SNX8: variants seen among roughly 807,000 people sequenced by gnomAD.
SNX8 encodes sorting nexin 8.
In SNX8, 25 loss-of-function variants were observed where a neutral mutation model predicts 51.6. The ratio of observed to expected loss-of-function variants is 0.48; its 90% CI spans 0.35 to 0.68. The LOEUF (loss-of-function observed/expected upper bound fraction) is 0.68, where lower values mean the gene tolerates loss of function less well. Among genes scored for constraint, SNX8 ranks in the 30% least tolerant of loss-of-function variants. SNX8 has a pLI of 0.00. For synonymous variants in SNX8, 324 were observed against 277.0 expected, an observed-to-expected ratio of 1.17 and a Z score of -1.68; for missense variants, 695 against 624.0, an observed-to-expected ratio of 1.11 and a Z score of -1.21.
chr7:2,309,343 T>C (rs558893750), intron 1 of SNX8, among the ~76,000 whole-genome samples: 1 of 152,172 alleles, frequency 6.6e-6, no homozygotes. Context: ...CTGGCCAACA[T>C]GGCGAAACTT....
Position 2,274,825 on chromosome 7 carries a change from G to A in SNX8, c.418+287C>T, listed in dbSNP as rs1279165959. 5 of 380,770 alleles carry A rather than the reference G, an allele frequency of 1.3e-5. No individual in the cohort carries two copies. The East Asian group carries it at 2.5e-4, about 19-fold the overall frequency. The allele number at this position is 380,770 out of a possible 1,614,324, so 23.6% of individuals were successfully genotyped here. A position where few individuals can be genotyped will look rare whatever the true frequency, so the allele number is the denominator to read the frequency against. On this transcript the variant is annotated intron_variant, in intron 3 of 10. Coordinates refer to ENST00000222990, the MANE Select transcript of SNX8 (RefSeq NM_013321.4). ...AGCCCTGGCCACTGCACTCTGGAGAGGAGAACTAGGGTTCTCTTTCACACC... is the reference window on the plus strand; with the variant it reads ...AGCCCTGGCCACTGCACTCTGGAGAAGAGAACTAGGGTTCTCTTTCACACC...
At chr7:2,322,643 A>C (rs1778544854) in intron 1 of SNX8, among the ~76,000 whole-genome samples, 2 of 151,906 alleles carry the variant, frequency 1.3e-5, no homozygotes, top group African/African-American at 4.8e-5. Context: ...GCAGTGAGCC[A>C]TAATCGCGCC....
chr7:2,266,847 CA>C (rs1411794141), intron 5 of SNX8, among the ~76,000 whole-genome samples: 3 of 151,916 alleles, frequency 2.0e-5, no homozygotes, highest in Non-Finnish European at 4.4e-5. Context: ...AAGAAAAAAC[CA>C]AAAACAAAAA....
chr7:2,278,121 C>A lies in SNX8; in HGVS notation c.279G>T (p.Val93=). ...TTACCTGGCTGGAAACCTCATACTC[C>A]ACATGCTTCAGGAAGAGGCCCTTCT... is the stretch of plus-strand genomic sequence containing the variant. ...PEKKGLFLKH[V]EYEVSSQRFK... is the part of the protein sequence containing the mutation. Residue 93 remains valine (V), a synonymous_variant, in exon 2 of 11, where the codon GTG becomes GTT. Transcript: ENST00000222990. 6.2e-7 allele frequency: 1 copy of A among 1,614,028 alleles called. No homozygotes were observed. The highest frequency in any genetic ancestry group is 8.5e-7 in the Non-Finnish European group (1 of 1,179,944).
At chr7:2,259,763 A>G (rs1460874203) in intron 7 of SNX8, among the ~76,000 whole-genome samples, 5 of 152,208 alleles carry the variant, frequency 3.3e-5, no homozygotes, top group African/African-American at 1.2e-4. Context: ...GCAGGGGCTC[A>G]GGAGAATGTA....
At chr7:2,345,656 G>A (rs1337410972) in intron 1 of SNX8, among the ~76,000 whole-genome samples, 1 of 150,700 alleles carries the variant, frequency 6.6e-6, no homozygotes, top group African/African-American at 2.4e-5. Flanking sequence ...CTCTAGCCTG[G>A]GCGAGACAGA....
chr7:2,313,488 T>G (rs1387486331), intron 1 of SNX8, among the ~76,000 whole-genome samples: 1 of 146,166 alleles, frequency 6.8e-6, no homozygotes, highest in Non-Finnish European at 1.5e-5. Context: ...ATCGCACCAT[T>G]GCACTCCAGC....
intron 7 of SNX8, among the ~76,000 whole-genome samples, chr7:2,261,523 A>G (rs1339442797): frequency 6.6e-6 from 1 of 152,248 alleles, no homozygotes; most frequent in African/African-American, 2.4e-5. Context: ...CCTGGAGACC[A>G]GAATAGCTTG....
chr7:2,295,914 G>C (rs1796264731), intron 1 of SNX8, among the ~76,000 whole-genome samples: 1 of 152,074 alleles, frequency 6.6e-6, no homozygotes, highest in African/African-American at 2.4e-5. Context: ...CTTTATTTCT[G>C]GGTTCCTATT....
intron 1 of SNX8, among the ~76,000 whole-genome samples, chr7:2,283,470 TCAGAGCCAGGA>T (rs1199717806): frequency 6.6e-6 from 1 of 152,202 alleles, no homozygotes; most frequent in East Asian, 1.9e-4. Flanking sequence ...GCCGGTGCTT[TCAGAGCCAGGA>T]CAGGGCAGGG....
At chr7:2,313,365 A>G (rs1796697401) in intron 1 of SNX8, among the ~76,000 whole-genome samples, 2 of 151,664 alleles carry the variant, frequency 1.3e-5, no homozygotes, top group African/African-American at 4.8e-5. Context: ...GTCTCTACTA[A>G]AAATACAAAA....
chr7:2,317,563 C>T (rs975074331), upstream of SNX8, among the ~76,000 whole-genome samples: 5 of 151,840 alleles, frequency 3.3e-5, no homozygotes, highest in Admixed American at 2.0e-4. Context: ...AGGTGTGAGC[C>T]ACCGTGCCCG....
At chr7:2,257,089 A>G in intron 9 of SNX8, 66 bp from the exon 10 acceptor site, 1 of 1,493,916 alleles carries the variant, frequency 6.7e-7, no homozygotes, top group Non-Finnish European at 9.0e-7. Flanking sequence ...AGGCCCGAAC[A>G]CCAGCGTGCT....
chr7:2,300,212 G>A (rs1372876320), intron 1 of SNX8, among the ~76,000 whole-genome samples: 1 of 152,136 alleles, frequency 6.6e-6, no homozygotes, highest in Non-Finnish European at 1.5e-5. Context: ...AAAACTCCAA[G>A]ATTGGTTAAC....
At chr7:2,327,494 G>A (rs986007877) in intron 1 of SNX8, among the ~76,000 whole-genome samples, 12 of 151,216 alleles carry the variant, frequency 7.9e-5, no homozygotes, top group African/African-American at 2.4e-4. Context: ...TGCAAGCTCC[G>A]CATCTCTGGT....
intron 1 of SNX8, among the ~76,000 whole-genome samples, chr7:2,342,284 A>C (rs1778945556): frequency 6.6e-6 from 1 of 152,136 alleles, no homozygotes; most frequent in Non-Finnish European, 1.5e-5. Context: ...AGAAATGTTC[A>C]ACACGCAAGA....
intron 1 of SNX8, among the ~76,000 whole-genome samples, chr7:2,305,004 G>A (rs1796514855): frequency 6.6e-6 from 1 of 152,204 alleles, no homozygotes; most frequent in Non-Finnish European, 1.5e-5. Flanking sequence ...GCTTTTGGCT[G>A]AGAGTGAGGT....
chr7:2,340,512 A>G (rs1459688611), intron 1 of SNX8, among the ~76,000 whole-genome samples: 1 of 150,790 alleles, frequency 6.6e-6, no homozygotes, highest in African/African-American at 2.4e-5. Flanking sequence ...AGGACACTCT[A>G]TATTTTTACA....
chr7:2,262,642 A>T (rs1795364632), intron 7 of SNX8, among the ~76,000 whole-genome samples: 1 of 152,218 alleles, frequency 6.6e-6, no homozygotes, highest in African/African-American at 2.4e-5. Flanking sequence ...GCCCAAGATC[A>T]TCTTTTCAAA....
Sources: allele counts gnomAD v4.1 joint callset (sites outside exome capture counted in the v4.1 genomes callset), GRCh38; gene constraint gnomAD v4.1.1; transcripts MANE v1.5; gene names NCBI Gene and HGNC (gene_info 2026-07-23, HGNC 2026-07-21).